ARFGEF1: variants seen among roughly 807,000 people sequenced by gnomAD.
The protein encoded by ARFGEF1 is brefeldin A-inhibited guanine nucleotide-exchange protein 1.
A neutral mutation model predicts 231.0 loss-of-function variants in ARFGEF1; 42 were observed. The ratio of observed to expected loss-of-function variants is 0.18; its 90% confidence interval spans 0.14 to 0.24. The LOEUF (loss-of-function observed/expected upper bound fraction) is 0.24, where lower values mean the gene tolerates loss of function less well. Among genes scored for constraint, ARFGEF1 ranks in the 10% least tolerant of loss-of-function variants. The probability of loss-of-function intolerance (pLI) is 1.00; values close to 1 mark genes in which losing one functional copy is unlikely to be tolerated. For synonymous variants in ARFGEF1, 710 were observed against 732.3 expected, an observed-to-expected ratio of 0.97 and a Z score of 0.49; for missense variants, 1,345 against 2,192.0, an observed-to-expected ratio of 0.61 and a Z score of 7.72.
At chr8:67,329,390 G>A (rs1005000677) in intron 1 of ARFGEF1, among the ~76,000 whole-genome samples, 2 of 150,870 alleles carry the variant, frequency 1.3e-5, no homozygotes, top group East Asian at 2.0e-4. Context: ...TTAGTCAGGC[G>A]TGGTGGCAGG....
intron 18 of ARFGEF1, among the ~76,000 whole-genome samples, chr8:67,253,224 ACT>A (rs1563866174): frequency 6.6e-6 from 1 of 151,966 alleles, no homozygotes; most frequent in East Asian, 1.9e-4. Context: ...CAAGTGAAAA[ACT>A]CTCTTTTAAA....
chr8:67,284,652 G>C (rs1409793022), intron 7 of ARFGEF1, among the ~76,000 whole-genome samples: 1 of 152,132 alleles, frequency 6.6e-6, no homozygotes, highest in Non-Finnish European at 1.5e-5. Context: ...GATACAAATA[G>C]AAAGTACAGA....
intron 19 of ARFGEF1, among the ~76,000 whole-genome samples, chr8:67,241,586 A>G (rs1839930527): frequency 6.6e-6 from 1 of 152,200 alleles, no homozygotes; most frequent in Non-Finnish European, 1.5e-5. Flanking sequence ...AACTGTACGA[A>G]CCTTTGTGGA....
rs1323247630 is a variant in ARFGEF1 at position 67,259,834 on chromosome 8, T to G, written c.2216A>C (p.Gln739Pro). ...TCTTACAGAGTCTAATCTTTCCTCT[T>G]GATGTAAGAATTGGGCAATATCTTC... ...TPEDIAQFLH[Q>P]EERLDSTQVG... Residue 739 changes from glutamine to proline, a missense_variant, in exon 15 of 39, where the codon CAA (glutamine) becomes CCA (proline). Around this residue, in one of 14 missense-constraint regions of ARFGEF1, gnomAD observed 105 missense variants for 159.3 expected, o/e 0.66. Transcript: ENST00000262215. 1 of 1,607,368 alleles carries G rather than the reference T, an allele frequency of 6.2e-7. No individual in the cohort carries two copies. The highest frequency in any genetic ancestry group is 1.1e-5 in the South Asian group (1 of 90,252).
In ARFGEF1 at chr8:67,251,404, C is replaced by T. The variant is rs1840279293; in HGVS notation, c.2745G>A (p.Met915Ile). Reference sequence around the variant, plus strand: ...CTTTAGCTGTCTTGGCCATCTGCTCCATTTCTAAGTTATACAGAAGTCTTC... The same window carrying T: ...CTTTAGCTGTCTTGGCCATCTGCTCTATTTCTAAGTTATACAGAAGTCTTC... Reference protein sequence around the residue: ...KQRRLLYNLEMEQMAKTAKAL... With the variant: ...KQRRLLYNLEIEQMAKTAKAL... The change falls in exon 19 of 39, where the codon ATG becomes ATA. Residue 915 changes from methionine to isoleucine, a missense_variant. This residue lies in a region of ARFGEF1 where 9 missense variants were observed against 58.7 expected (regional missense o/e 0.15). Coordinates refer to ENST00000262215, the MANE Select transcript of ARFGEF1 (RefSeq NM_006421.5). 2 of 1,611,580 alleles carry T rather than the reference C, an allele frequency of 1.2e-6. No individual in the cohort carries two copies. Among genetic ancestry groups the T allele is most frequent in the African/African-American group, 2.7e-5 (2 of 74,876 alleles).
intron 7 of ARFGEF1, among the ~76,000 whole-genome samples, chr8:67,286,751 C>T (rs548779050): frequency 6.6e-6 from 1 of 152,178 alleles, no homozygotes; most frequent in Non-Finnish European, 1.5e-5. Flanking sequence ...GTTCTTCACT[C>T]TCTACCATTT....
At chr8:67,212,501 T>A (rs919275170) in intron 33 of ARFGEF1, among the ~76,000 whole-genome samples, 5 of 152,208 alleles carry the variant, frequency 3.3e-5, no homozygotes, top group Admixed American at 6.5e-5. Flanking sequence ...GAACTAGATA[T>A]AATAAATCCA....
chr8:67,325,808 G>A (rs1313930100), intron 1 of ARFGEF1, among the ~76,000 whole-genome samples: 3 of 152,082 alleles, frequency 2.0e-5, no homozygotes, highest in Non-Finnish European at 4.4e-5. Flanking sequence ...CATCTACTCA[G>A]GACTAAAAAA....
intron 9 of ARFGEF1, among the ~76,000 whole-genome samples, chr8:67,275,688 C>T (rs1805283931): frequency 6.6e-6 from 1 of 152,074 alleles, no homozygotes; most frequent in Non-Finnish European, 1.5e-5. Flanking sequence ...CTGTCATACC[C>T]TTTAGGAAAT....
chr8:67,180,041 T>A, intron 5 of ARFGEF1: 2 of 551,876 alleles, frequency 3.6e-6, no homozygotes, highest in South Asian at 2.9e-5. Flanking sequence ...AAAAAAGGAA[T>A]ATTCTTTTTT....
Position 67,254,886 on chromosome 8 carries a change from T to G in ARFGEF1, c.2527-1264A>C, listed in dbSNP as rs1587142287. Among the ~76,000 whole-genome samples the G allele has an allele frequency of 3.3e-5, 5 of 151,200 alleles. No individual in the cohort carries two copies. In the East Asian group the frequency reaches 9.7e-4, roughly 29 times the overall value. ...CCTACTATCTTATAACTTTAAAAAC[T>G]CAAGTCATGGCACTAAAAAAAAAAA... On this transcript the variant is annotated intron_variant, in intron 17 of 38. Coordinates refer to ENST00000262215, the MANE Select transcript of ARFGEF1 (RefSeq NM_006421.5).
At chr8:67,222,993 G>C (rs187611786) in intron 29 of ARFGEF1, among the ~76,000 whole-genome samples, 49 of 152,302 alleles carry the variant, frequency 3.2e-4, no homozygotes, top group Non-Finnish European at 6.3e-4. Flanking sequence ...ATGCCATCTA[G>C]ATTTGTGTAA....
chr8:67,310,126 CCT>C (rs1198182160), intron 1 of ARFGEF1, among the ~76,000 whole-genome samples: 3 of 152,054 alleles, frequency 2.0e-5, no homozygotes, highest in South Asian at 2.1e-4. Context: ...CCACGGTTTC[CCT>C]CTCTTTCCAC....
chr8:67,197,189 T>G (rs185714400), downstream of ARFGEF1, among the ~76,000 whole-genome samples: 398 of 152,298 alleles, frequency 2.6e-3, 11 homozygotes, highest in Admixed American at 0.024. Context: ...CTCATGCCTA[T>G]AATCCCAGCA....
chr8:67,251,872 G>A (rs2128885119), intron 18 of ARFGEF1, among the ~76,000 whole-genome samples: 1 of 152,232 alleles, frequency 6.6e-6, no homozygotes, highest in African/African-American at 2.4e-5. Context: ...GTCAGGAAGT[G>A]GAAACCTATG....
intron 5 of ARFGEF1, among the ~76,000 whole-genome samples, chr8:67,189,150 TC>T (rs1259513031): frequency 6.6e-6 from 1 of 152,198 alleles, no homozygotes; most frequent in African/African-American, 2.4e-5. Flanking sequence ...CAATAGGAAC[TC>T]TCATTCATTG....
chr8:67,301,667 T>C (rs993278279), intron 2 of ARFGEF1, among the ~76,000 whole-genome samples: 2 of 152,228 alleles, frequency 1.3e-5, no homozygotes, highest in Non-Finnish European at 2.9e-5. Flanking sequence ...AGAAATATTT[T>C]ATTGTCACTT....
chr8:67,193,357 A>T, downstream of ARFGEF1: 3 of 964,910 alleles, frequency 3.1e-6, no homozygotes, highest in South Asian at 3.4e-5. Context: ...TCGGCTTCCC[A>T]AAGTGCTGGG....
At chr8:67,176,893 A>G (rs1831790658) in intron 5 of ARFGEF1, among the ~76,000 whole-genome samples, 1 of 152,030 alleles carries the variant, frequency 6.6e-6, no homozygotes. Context: ...AACATAGTGA[A>G]ACCCCCGTCT....
Sources: gnomAD v4.1 joint callset for allele counts (sites outside exome capture counted in the v4.1 genomes callset) on GRCh38, gnomAD v4.1.1 for gene constraint, gnomAD v4.1.1 regional missense constraint, MANE v1.5 for transcripts, NCBI Gene and HGNC (gene_info 2026-07-23, HGNC 2026-07-21) for gene names.